The following PATL2 variants were observed in gnomAD, a reference collection of about 807,000 sequenced individuals.
The protein encoded by PATL2 is PAT1 homolog 2.
A neutral mutation model predicts 77.0 loss-of-function variants in PATL2; 73 were observed. The ratio of observed to expected loss-of-function variants is 0.95; its 90% CI spans 0.78 to 1.15. The LOEUF (loss-of-function observed/expected upper bound fraction) is 1.15. PATL2 is among the 50% of genes most tolerant of loss of function. PATL2 has a pLI of 0.00. For synonymous variants in PATL2, 265 were observed against 257.1 expected, an observed-to-expected ratio of 1.03 and a Z score of -0.29; for missense variants, 618 against 655.4, an observed-to-expected ratio of 0.94 and a Z score of 0.62.
At chr15:44,667,364 A>G (rs1188066474) in intron 15 of PATL2, 161 bp from the exon 16 acceptor site, 4 of 610,434 alleles carry the variant, frequency 6.6e-6, no homozygotes, top group Non-Finnish European at 1.2e-5. Context: ...TGAGCCAAAG[A>G]ACTCTCTAAC....
chr15:44,681,682 C>A (rs182226680), intron 3 of PATL2, among the ~76,000 whole-genome samples: 1 of 152,184 alleles, frequency 6.6e-6, no homozygotes, highest in South Asian at 2.1e-4. Flanking sequence ...TCAAAGGGAT[C>A]AAGGATCTGC....
chr15:44,666,635 A>T, intron 16 of PATL2, 94 bp from the exon 17 acceptor site: 1 of 1,290,586 alleles, frequency 7.7e-7, no homozygotes, highest in South Asian at 1.6e-5. Context: ...TACTACTACC[A>T]TTGTCCCCCA....
At chr15:44,703,848 T>C (rs2086680685) in intron 3 of PATL2, among the ~76,000 whole-genome samples, 1 of 151,520 alleles carries the variant, frequency 6.6e-6, no homozygotes, top group Non-Finnish European at 1.5e-5. Context: ...TCTTGCCATT[T>C]TGTTATTTGT....
rs1595954412 is a variant in PATL2 at position 44,667,184 on chromosome 15, T to C, written c.1385A>G (p.Tyr462Cys). The C allele has an allele frequency of 6.4e-7, 1 of 1,551,640 alleles. No individual in the cohort carries two copies. The highest frequency in any genetic ancestry group is 2.4e-5 in the East Asian group (1 of 40,924). Residue 462 changes from tyrosine to cysteine, a missense_variant, in exon 16 of 18, where the codon TAT becomes TGT. Physicochemically the swap from Tyr to Cys is radical, Grantham distance 194. Coordinates refer to ENST00000682850, the MANE Select transcript of PATL2 (RefSeq NM_001387263.1). ...TTGCTCCCCATGGCTCAGCAGGGCATAGAGCAAAGATATTCCAAACTGCAA... is the reference window on the plus strand; with the variant it reads ...TTGCTCCCCATGGCTCAGCAGGGCACAGAGCAAAGATATTCCAAACTGCAA... ...LQNQFGISLL[Y>C]ALLSHGEQLV...
intron 17 of PATL2, 113 bp downstream of exon 17, chr15:44,666,279 A>G: frequency 1.4e-6 from 2 of 1,401,030 alleles, no homozygotes; most frequent in Non-Finnish European, 2.0e-6. Flanking sequence ...CCACTTCTAA[A>G]AACACATGAT....
In PATL2 at chr15:44,672,064, A is replaced by G. The variant is rs1023630775; in HGVS notation, c.608T>C (p.Met203Thr). The change falls in exon 9 of 18, where the codon ATG (methionine) becomes ACG (threonine). Residue 203 changes from methionine to threonine, a missense_variant. Coordinates refer to ENST00000682850, the MANE Select transcript of PATL2 (RefSeq NM_001387263.1). ...KEKDWVIKVQ[M>T]VQLQSAKPRL... ...GGGTTTTGCACTCTGCAGCTGCACC[A>G]TCTGCACTTTTATCACCCAGTCCTT... 4 of 1,551,564 alleles carry G rather than the reference A, an allele frequency of 2.6e-6. No homozygotes were observed. Among genetic ancestry groups the G allele is most frequent in the Admixed American group, 2.0e-5 (1 of 50,984 alleles).
intron 7 of PATL2, 119 bp from the exon 8 acceptor site, chr15:44,672,575 C>A: frequency 9.8e-7 from 1 of 1,023,774 alleles, no homozygotes; most frequent in South Asian, 1.6e-5. Flanking sequence ...TGTTTAGGTA[C>A]TTTCCCAAAG....
chr15:44,691,293 T>G (rs2086385346), intron 3 of PATL2, among the ~76,000 whole-genome samples: 1 of 152,170 alleles, frequency 6.6e-6, no homozygotes, highest in Non-Finnish European at 1.5e-5. Flanking sequence ...TAACATAACA[T>G]AAAAAGATTT....
chr15:44,690,107 T>C (rs935616994), intron 3 of PATL2, among the ~76,000 whole-genome samples: 1 of 151,992 alleles, frequency 6.6e-6, no homozygotes, highest in Admixed American at 6.6e-5. Context: ...GAGAATCGCT[T>C]GAACATGGGA....
At chr15:44,672,303 A>C in intron 8 of PATL2, 85 bp downstream of exon 8, 4 of 1,523,014 alleles carry the variant, frequency 2.6e-6, no homozygotes, top group Non-Finnish European at 1.8e-6. Flanking sequence ...ACCACATGGG[A>C]GATTTGAGGG....
chr15:44,704,216 G>A (rs887310259), intron 3 of PATL2, among the ~76,000 whole-genome samples: 18 of 148,192 alleles, frequency 1.2e-4, no homozygotes, highest in African/African-American at 2.3e-4. Context: ...TTTCACCACC[G>A]TGTTTTCCAG....
chr15:44,679,027 C>T (rs2086066584), intron 3 of PATL2, among the ~76,000 whole-genome samples: 1 of 151,910 alleles, frequency 6.6e-6, no homozygotes. Flanking sequence ...TTTAAAAATC[C>T]ATGCTATAAC....
chr15:44,702,492 G>T (rs943571432), intron 3 of PATL2, among the ~76,000 whole-genome samples: 6 of 150,400 alleles, frequency 4.0e-5, no homozygotes, highest in Non-Finnish European at 8.9e-5. Flanking sequence ...ATTTATTTTT[G>T]CTCTCATCTT....
chr15:44,702,299 T>C lies in PATL2; in HGVS notation c.-76+7797A>G, dbSNP rs535809139. Among the ~76,000 whole-genome samples the C allele has an allele frequency of 1.5e-3, 229 of 152,246 alleles. 6 individuals carry two copies. The highest frequency in any genetic ancestry group is 5.3e-3 in the African/African-American group (221 of 41,494). On this transcript the variant is annotated intron_variant, in intron 3 of 17. Transcript: ENST00000682850. ...TGTAGTTGCTCATAGTAGCCTCTAA[T>C]GATCGTTTGAATTTCTTTGATATTG... is the stretch of plus-strand genomic sequence containing the variant.
intron 9 of PATL2, 49 bp downstream of exon 9, chr15:44,671,966 G>T: frequency 6.5e-7 from 1 of 1,546,796 alleles, no homozygotes; most frequent in Non-Finnish European, 8.7e-7. Context: ...GGGAGTCCAG[G>T]CCCATTTGAC....
intron 3 of PATL2, among the ~76,000 whole-genome samples, chr15:44,686,835 C>A (rs1246925773): frequency 6.6e-6 from 1 of 152,124 alleles, no homozygotes; most frequent in Admixed American, 6.5e-5. Context: ...GACACATACA[C>A]CCTCCCGAGA....
intron 3 of PATL2, among the ~76,000 whole-genome samples, chr15:44,679,907 G>A (rs1304354255): frequency 2.0e-5 from 3 of 152,180 alleles, no homozygotes; most frequent in Non-Finnish European, 4.4e-5. Flanking sequence ...AATCCCCTGG[G>A]ACTGGGACAA....
chr15:44,670,110 A>G (rs745331300), intron 9 of PATL2, 23 bp from the exon 10 acceptor site: 1 of 1,550,042 alleles, frequency 6.5e-7, no homozygotes, highest in Non-Finnish European at 8.7e-7. Context: ...GGAATAGGAA[A>G]CAAAAAAACA....
intron 3 of PATL2, among the ~76,000 whole-genome samples, chr15:44,686,428 T>C (rs966215375): frequency 6.6e-6 from 1 of 152,178 alleles, no homozygotes; most frequent in African/African-American, 2.4e-5. Context: ...GGGAAAGTTA[T>C]AGAACTAAAT....
Sources: allele counts gnomAD v4.1 joint callset (sites outside exome capture counted in the v4.1 genomes callset), GRCh38; gene constraint gnomAD v4.1.1; transcripts MANE v1.5; gene names NCBI Gene and HGNC (gene_info 2026-07-23, HGNC 2026-07-21).